IMMP2L: variants seen among roughly 807,000 people sequenced by gnomAD.
IMMP2L encodes mitochondrial inner membrane protease subunit 2.
In IMMP2L, 18 loss-of-function variants were observed where a neutral mutation model predicts 19.3. The observed-to-expected ratio is 0.93, with a 90% CI of 0.64 to 1.38. The LOEUF (loss-of-function observed/expected upper bound fraction) is 1.38, where lower values mean the gene tolerates loss of function less well. IMMP2L is among the 40% of genes most tolerant of loss of function. IMMP2L has a pLI of 0.00. For synonymous variants in IMMP2L, 76 were observed against 73.0 expected (o/e 1.04, Z -0.21); for missense variants, 233 against 218.2 (o/e 1.07, Z -0.43).
chr7:111,368,559 A>G (rs1479972740), intron 3 of IMMP2L, among the ~76,000 whole-genome samples: 1 of 151,882 alleles, frequency 6.6e-6, no homozygotes, highest in African/African-American at 2.4e-5. Context: ...AAGACCTTCC[A>G]GATCTGCCTA....
intron 3 of IMMP2L, among the ~76,000 whole-genome samples, chr7:111,160,740 TAAA>T (rs963387629): frequency 6.7e-6 from 1 of 149,752 alleles, no homozygotes; most frequent in East Asian, 1.9e-4. Context: ...AAAGTAAAAT[TAAA>T]AAATATAAAA....
intron 3 of IMMP2L, chr7:111,390,877 A>G (rs1394912382): frequency 6.6e-6 from 1 of 152,206 alleles, no homozygotes; most frequent in Non-Finnish European, 1.5e-5. Flanking sequence ...ACAAATGCAG[A>G]CACATTAACA....
chr7:111,331,205 A>G (rs1334794336), intron 3 of IMMP2L, among the ~76,000 whole-genome samples: 1 of 152,026 alleles, frequency 6.6e-6, no homozygotes, highest in African/African-American at 2.4e-5. Flanking sequence ...GAATGGATAA[A>G]CAAAATGTGG....
At chr7:111,384,242 A>G (rs558849356) in intron 3 of IMMP2L, among the ~76,000 whole-genome samples, 5 of 137,630 alleles carry the variant, frequency 3.6e-5, no homozygotes, top group Admixed American at 1.4e-4. Context: ...AGAGAGGAGA[A>G]AGGAGAGAGG....
chr7:111,192,148 C>T (rs1294530930), intron 3 of IMMP2L, among the ~76,000 whole-genome samples: 2 of 151,928 alleles, frequency 1.3e-5, no homozygotes, highest in Non-Finnish European at 2.9e-5. Flanking sequence ...ACCCAGAAGC[C>T]ATCAAAGACA....
intron 2 of IMMP2L, among the ~76,000 whole-genome samples, chr7:111,520,649 T>C (rs1311189835): frequency 6.6e-6 from 1 of 152,130 alleles, no homozygotes; most frequent in Non-Finnish European, 1.5e-5. Flanking sequence ...ATATTGATAA[T>C]ACAGGAAACC....
At chr7:111,133,853 C>T (rs1802076429) in intron 3 of IMMP2L, among the ~76,000 whole-genome samples, 1 of 152,012 alleles carries the variant, frequency 6.6e-6, no homozygotes, top group East Asian at 1.9e-4. Context: ...TAAGCGTACT[C>T]TCAGAAACAA....
chr7:111,460,752 T>C (rs112211389), intron 3 of IMMP2L, among the ~76,000 whole-genome samples: 4 of 152,206 alleles, frequency 2.6e-5, no homozygotes, highest in African/African-American at 9.6e-5. Context: ...TATGTTTTTA[T>C]CACAATTCAA....
chr7:111,094,800 G>A (rs1797234664), intron 3 of IMMP2L, among the ~76,000 whole-genome samples: 1 of 152,102 alleles, frequency 6.6e-6, no homozygotes, highest in Non-Finnish European at 1.5e-5. Flanking sequence ...GAAAGGAAAG[G>A]AAGTCAAATT....
At chr7:111,162,630 GC>G (rs1271555355) in intron 3 of IMMP2L, among the ~76,000 whole-genome samples, 1 of 151,308 alleles carries the variant, frequency 6.6e-6, no homozygotes, top group East Asian at 1.9e-4. Flanking sequence ...CAGATTTTGA[GC>G]GAGTAGTTTT....
chr7:110,987,983 A>C (rs1822035814), intron 3 of IMMP2L, among the ~76,000 whole-genome samples: 3 of 152,198 alleles, frequency 2.0e-5, no homozygotes, highest in Admixed American at 2.0e-4. Context: ...GAAAGAGAGA[A>C]TGTTAGAAAA....
chr7:110,855,962 A>T (rs932577155), intron 5 of IMMP2L, among the ~76,000 whole-genome samples: 4 of 152,008 alleles, frequency 2.6e-5, no homozygotes, highest in African/African-American at 9.7e-5. Context: ...TAATAATGTG[A>T]TAGACCGAAC....
chr7:111,417,206 T>C (rs1006195514), intron 3 of IMMP2L, among the ~76,000 whole-genome samples: 1 of 151,736 alleles, frequency 6.6e-6, no homozygotes, highest in African/African-American at 2.4e-5. Flanking sequence ...GCAGGTACCC[T>C]AGCAATGTGT....
intron 3 of IMMP2L, among the ~76,000 whole-genome samples, chr7:111,274,407 T>C (rs1818799582): frequency 6.6e-6 from 1 of 152,186 alleles, no homozygotes; most frequent in African/African-American, 2.4e-5. Flanking sequence ...AAAAACCTTA[T>C]TGCCAGTAAT....
intron 3 of IMMP2L, among the ~76,000 whole-genome samples, chr7:111,043,596 A>G (rs1792100002): frequency 1.3e-5 from 2 of 152,234 alleles, no homozygotes; most frequent in Admixed American, 1.3e-4. Flanking sequence ...CATTAAATAC[A>G]AAAAGAACAA....
chr7:111,338,803 A>C (rs1826724820), intron 3 of IMMP2L, among the ~76,000 whole-genome samples: 1 of 152,118 alleles, frequency 6.6e-6, no homozygotes, highest in African/African-American at 2.4e-5. Flanking sequence ...AATTAGCAGG[A>C]ATTCCACATT....
chr7:111,265,958 CAAT>C (rs1817787180), intron 3 of IMMP2L, among the ~76,000 whole-genome samples: 1 of 152,110 alleles, frequency 6.6e-6, no homozygotes, highest in Non-Finnish European at 1.5e-5. Context: ...CTTCCCTAAC[CAAT>C]CTATCCTAAA....
intron 5 of IMMP2L, among the ~76,000 whole-genome samples, chr7:110,879,120 G>A (rs956823964): frequency 4.6e-5 from 7 of 152,166 alleles, no homozygotes; most frequent in Non-Finnish European, 7.4e-5. Flanking sequence ...TAGCAGGCGC[G>A]GTGGCTCATA....
intron 5 of IMMP2L, among the ~76,000 whole-genome samples, chr7:110,833,439 CAAAAA>C (rs66826955): frequency 8.7e-6 from 1 of 115,466 alleles, no homozygotes. Context: ...AACTTCGTCT[CAAAAA>C]AAAAAAAAAA....
Sources: allele counts gnomAD v4.1 joint callset (sites outside exome capture counted in the v4.1 genomes callset), GRCh38; gene constraint gnomAD v4.1.1; transcripts MANE v1.5; gene names NCBI Gene and HGNC (gene_info 2026-07-23, HGNC 2026-07-21).